The following RXYLT1 variants were observed in gnomAD, a reference collection of about 807,000 sequenced individuals.
RXYLT1 encodes the protein ribitol-5-phosphate xylosyltransferase 1.
In RXYLT1, 41 loss-of-function variants were observed where a neutral mutation model predicts 43.5. The observed-to-expected ratio is 0.94, with a 90% CI of 0.73 to 1.22. The LOEUF (loss-of-function observed/expected upper bound fraction) is 1.22. Among genes scored for constraint, RXYLT1 ranks in the 50% most tolerant of loss-of-function variants. RXYLT1 has a pLI of 0.00. For synonymous variants in RXYLT1, 166 were observed against 194.4 expected, an observed-to-expected ratio of 0.85 and a Z score of 1.21; for missense variants, 514 against 532.0, an observed-to-expected ratio of 0.97 and a Z score of 0.33.
chr12:63,800,721 G>A (rs1204992504), intron 3 of RXYLT1, among the ~76,000 whole-genome samples: 1 of 152,098 alleles, frequency 6.6e-6, no homozygotes, highest in Admixed American at 6.6e-5. Context: ...AGGAGTTCAA[G>A]ACCAGCCTGG....
chr12:63,780,558 T>C, intron 1 of RXYLT1: 3 of 993,038 alleles, frequency 3.0e-6, no homozygotes, highest in Non-Finnish European at 3.6e-6. Flanking sequence ...TCCCCTGTCC[T>C]GTGTTTTAAC....
At position 63,808,707 on chromosome 12, in the gene RXYLT1, A is replaced by G; in HGVS notation, c.947A>G (p.Lys316Arg). The G allele has an allele frequency of 6.2e-7, 1 of 1,602,914 alleles. No individual in the cohort carries two copies. The highest frequency in any genetic ancestry group is 8.5e-7 in the Non-Finnish European group (1 of 1,177,798). The change falls in exon 6 of 6, where the codon AAG becomes AGG. Residue 316 changes from lysine (K) to arginine (R), a missense_variant. Lys to Arg is a conservative substitution (Grantham distance 26). Transcript: ENST00000261234. ...CCTCAGGAAACAAATGAAAGTCTTA[A>G]GAATTACCAAGATGCCTTGCTTCAG... ...WQPQETNESL[K>R]NYQDALLQSD... is the part of the protein sequence containing the mutation.
intron 3 of RXYLT1, among the ~76,000 whole-genome samples, chr12:63,801,681 G>A (rs1898162064): frequency 6.6e-6 from 1 of 152,046 alleles, no homozygotes; most frequent in South Asian, 2.1e-4. Context: ...AATTACCTGT[G>A]TGTAGTGGTG....
intron 4 of RXYLT1, chr12:63,803,713 G>A (rs1898218185): frequency 6.6e-6 from 1 of 152,034 alleles, no homozygotes; most frequent in Non-Finnish European, 1.5e-5. Flanking sequence ...TTTGTAAAAT[G>A]TTTTCATATA....
At chr12:63,780,164 C>T in intron 1 of RXYLT1, 35 bp downstream of exon 1, 3 of 1,429,504 alleles carry the variant, frequency 2.1e-6, no homozygotes, top group East Asian at 2.8e-5. Context: ...TCCGGCTCTG[C>T]GCTCCTGGCT....
At chr12:63,796,122 C>T (rs552863458) in intron 3 of RXYLT1, among the ~76,000 whole-genome samples, 4 of 152,338 alleles carry the variant, frequency 2.6e-5, no homozygotes, top group Admixed American at 2.0e-4. Flanking sequence ...TCTTTGGCTT[C>T]AGCCAGTCTG....
At chr12:63,794,632 G>T (rs1456424190) in intron 3 of RXYLT1, among the ~76,000 whole-genome samples, 1 of 151,954 alleles carries the variant, frequency 6.6e-6, no homozygotes, top group Non-Finnish European at 1.5e-5. Flanking sequence ...GTACTGCTTG[G>T]AGCAACAAAA....
intron 3 of RXYLT1, among the ~76,000 whole-genome samples, chr12:63,791,313 T>G (rs544876756): frequency 2.0e-5 from 3 of 152,324 alleles, no homozygotes; most frequent in Non-Finnish European, 4.4e-5. Flanking sequence ...TTTCTATGTA[T>G]AGTCATTACC....
intron 3 of RXYLT1, among the ~76,000 whole-genome samples, chr12:63,787,654 G>A (rs7136942): frequency 0.22 from 32,649 of 151,776 alleles, 3,837 homozygotes; most frequent in Middle Eastern, 0.26. Flanking sequence ...TTGAGACAGA[G>A]TCTTGTTCTG....
rs1480633311 is a variant in RXYLT1, at chr12:63,802,379, T to G, written c.717T>G (p.Val239=). ...GCCCCTGGATTAATGACGTGGATGTTTTTCAGTGGCCTTTAGGAGTAGCAA... is the reference window on the plus strand; with the variant it reads ...GCCCCTGGATTAATGACGTGGATGTGTTTCAGTGGCCTTTAGGAGTAGCAA... ...YDSPWINDVD[V]FQWPLGVATY... is the part of the protein sequence containing the mutation. The change falls in exon 4 of 6, where the codon GTT becomes GTG. Residue 239 remains valine (V), a synonymous_variant. Coordinates refer to ENST00000261234, the MANE Select transcript of RXYLT1 (RefSeq NM_014254.3). 6.3e-7 allele frequency: 1 copy of G among 1,590,114 alleles called. No individual in the cohort carries two copies. Among genetic ancestry groups the G allele is most frequent in the Non-Finnish European group, 8.6e-7 (1 of 1,165,008 alleles).
chr12:63,787,706 C>T (rs536334375), intron 3 of RXYLT1, among the ~76,000 whole-genome samples: 2 of 152,128 alleles, frequency 1.3e-5, no homozygotes, highest in Non-Finnish European at 2.9e-5. Flanking sequence ...CAGCTTCCTG[C>T]AACTTGCGCC....
chr12:63,793,467 GAAAA>G (rs1001456565), intron 3 of RXYLT1, among the ~76,000 whole-genome samples: 12 of 151,630 alleles, frequency 7.9e-5, no homozygotes, highest in African/African-American at 2.7e-4. Flanking sequence ...TCATAATTAT[GAAAA>G]AAAGAGTGAA....
At position 63,808,912 on chromosome 12, in the gene RXYLT1, C is replaced by T. The variant is rs753169558; in HGVS notation, c.1152C>T (p.Ile384=). 1.9e-6 allele frequency: 3 copies of T among 1,613,872 alleles called. No homozygotes were observed. The African/African-American group carries it at 4.0e-5, about 22-fold the overall frequency. The change falls in exon 6 of 6, where the codon ATC becomes ATT. Residue 384 remains isoleucine (I), a synonymous_variant. Transcript: ENST00000261234. ...QLLKSMGAPF[I]FIKNWKELPA... ...TCAAGTCCATGGGTGCTCCCTTTAT[C>T]TTTATCAAGAACTGGAAGGAACTCC...
At chr12:63,780,319 C>T in intron 1 of RXYLT1, 190 bp downstream of exon 1, 10 of 1,303,700 alleles carry the variant, frequency 7.7e-6, no homozygotes, top group Non-Finnish European at 9.7e-6. Context: ...CATTCTTACC[C>T]AGATCTCACA....
At chr12:63,789,421 G>C (rs118145763) in intron 3 of RXYLT1, among the ~76,000 whole-genome samples, 1 of 152,046 alleles carries the variant, frequency 6.6e-6, no homozygotes, top group Non-Finnish European at 1.5e-5. Flanking sequence ...TTCCCACCGG[G>C]CACCTCCCAC....
At chr12:63,784,092 AT>A (rs1219493557) in intron 2 of RXYLT1, among the ~76,000 whole-genome samples, 1 of 152,084 alleles carries the variant, frequency 6.6e-6, no homozygotes, top group Non-Finnish European at 1.5e-5. Context: ...ACTTAATCAT[AT>A]TTTTAAAGTG....
chr12:63,784,613 T>C (rs1897759379), intron 2 of RXYLT1, among the ~76,000 whole-genome samples: 1 of 152,220 alleles, frequency 6.6e-6, no homozygotes, highest in Non-Finnish European at 1.5e-5. Context: ...AAAGCAGTTC[T>C]AACCACATAG....
chr12:63,796,168 A>T lies in RXYLT1; in HGVS notation c.429-5923A>T, dbSNP rs113348140. On this transcript the variant is annotated intron_variant, in intron 3 of 5. Coordinates refer to ENST00000261234, the MANE Select transcript of RXYLT1 (RefSeq NM_014254.3). ...TCAGTCTTTGTTGACCTTGTGACTT[A>T]TGAAGAGTACTGCCCATGTATTTTG... is the stretch of plus-strand genomic sequence containing the variant. Among the ~76,000 whole-genome samples, 1,388 of 152,302 alleles carry T rather than the reference A, an allele frequency of 9.1e-3. 21 individuals are homozygous for T. The highest frequency in any genetic ancestry group is 0.03 in the African/African-American group (1,233 of 41,558).
chr12:63,788,279 T>A (rs1897849600), intron 3 of RXYLT1, among the ~76,000 whole-genome samples: 1 of 152,208 alleles, frequency 6.6e-6, no homozygotes, highest in Non-Finnish European at 1.5e-5. Context: ...TGGCTTCAAC[T>A]TAAAGTCACC....
Sources: gnomAD v4.1 joint callset for allele counts (sites outside exome capture counted in the v4.1 genomes callset) on GRCh38, gnomAD v4.1.1 for gene constraint, MANE v1.5 for transcripts, NCBI Gene and HGNC (gene_info 2026-07-23, HGNC 2026-07-21) for gene names.